The following ZDHHC14 variants were observed in gnomAD, a reference collection of about 807,000 sequenced individuals.
The protein encoded by ZDHHC14 is zDHHC palmitoyltransferase 14, also known as palmitoyltransferase ZDHHC14.
In ZDHHC14, 16 loss-of-function variants were observed where a neutral mutation model predicts 47.7. The ratio of observed to expected loss-of-function variants is 0.34; its 90% CI spans 0.23 to 0.51. The LOEUF (loss-of-function observed/expected upper bound fraction) is 0.51. ZDHHC14 is among the 20% of genes least tolerant of loss of function. ZDHHC14 has a pLI of 0.97. For synonymous variants in ZDHHC14, 293 were observed against 278.9 expected (o/e 1.05, Z -0.50); for missense variants, 515 against 662.5 (o/e 0.78, Z 2.44).
chr6:157,519,749 T>C (rs1780849338), intron 1 of ZDHHC14, among the ~76,000 whole-genome samples: 2 of 152,176 alleles, frequency 1.3e-5, no homozygotes, highest in South Asian at 4.1e-4. Flanking sequence ...TCATCGTTTT[T>C]TTGTTGTTTG....
At chr6:157,394,733 C>T (rs1471957790) in intron 1 of ZDHHC14, among the ~76,000 whole-genome samples, 4 of 152,166 alleles carry the variant, frequency 2.6e-5, no homozygotes, top group Admixed American at 6.5e-5. Context: ...ATAACATCAT[C>T]GTCGTCTTAA....
At chr6:157,563,624 T>C (rs67588024) in intron 2 of ZDHHC14, among the ~76,000 whole-genome samples, 83,683 of 151,994 alleles carry the variant, frequency 0.55, 23,669 homozygotes, top group African/African-American at 0.7. Flanking sequence ...ACATAGGATG[T>C]AAAAAAGATT....
At chr6:157,550,347 A>G (rs1252011237) in intron 2 of ZDHHC14, among the ~76,000 whole-genome samples, 1 of 152,106 alleles carries the variant, frequency 6.6e-6, no homozygotes, top group Non-Finnish European at 1.5e-5. Context: ...TCACACAGGC[A>G]TTCTAGAGAG....
At chr6:157,666,494 T>C (rs1257875665) in intron 8 of ZDHHC14, among the ~76,000 whole-genome samples, 3 of 152,236 alleles carry the variant, frequency 2.0e-5, no homozygotes, top group Admixed American at 6.5e-5. Context: ...AACCTGCACC[T>C]GCATTTTAGG....
At chr6:157,593,748 G>C (rs575697129) in intron 3 of ZDHHC14, among the ~76,000 whole-genome samples, 2 of 152,366 alleles carry the variant, frequency 1.3e-5, no homozygotes, top group African/African-American at 2.4e-5. Flanking sequence ...CACCGGCCCA[G>C]CATGGGCCTT....
At chr6:157,484,299 A>G (rs1437948415) in intron 1 of ZDHHC14, among the ~76,000 whole-genome samples, 1 of 117,310 alleles carries the variant, frequency 8.5e-6, no homozygotes, top group Non-Finnish European at 1.9e-5. Flanking sequence ...ATGTGTATAT[A>G]TATATACATA....
chr6:157,595,092 T>C (rs1265283261), intron 3 of ZDHHC14, among the ~76,000 whole-genome samples: 2 of 151,802 alleles, frequency 1.3e-5, no homozygotes, highest in Non-Finnish European at 2.9e-5. Flanking sequence ...CTTCTCTTTA[T>C]CATTTATAAA....
chr6:157,418,530 G>A (rs1778031764), intron 1 of ZDHHC14, among the ~76,000 whole-genome samples: 1 of 152,178 alleles, frequency 6.6e-6, no homozygotes. Context: ...TAGGAAGGAT[G>A]TCCAAAGCAG....
At chr6:157,496,609 G>T (rs1177277807) in intron 1 of ZDHHC14, among the ~76,000 whole-genome samples, 2 of 152,170 alleles carry the variant, frequency 1.3e-5, no homozygotes, top group African/African-American at 4.8e-5. Context: ...AAGACCCATA[G>T]GGAGAAGATG....
intron 8 of ZDHHC14, among the ~76,000 whole-genome samples, chr6:157,660,188 CT>C (rs397799133): frequency 0.017 from 1,490 of 86,592 alleles, 14 homozygotes; most frequent in African/African-American, 0.055. Context: ...TTCTTTTTTT[CT>C]TTTTTTTTTT....
At chr6:157,424,514 G>A (rs200919864) in intron 1 of ZDHHC14, among the ~76,000 whole-genome samples, 33 of 152,262 alleles carry the variant, frequency 2.2e-4, no homozygotes, top group African/African-American at 6.5e-4. Context: ...GCTTGAAGCC[G>A]TCCTGTTCTC....
At chr6:157,603,392 A>G (rs1784414442) in intron 3 of ZDHHC14, among the ~76,000 whole-genome samples, 1 of 152,222 alleles carries the variant, frequency 6.6e-6, no homozygotes, top group Non-Finnish European at 1.5e-5. Context: ...AAAGGGGAGA[A>G]ATGAGAGAAA....
chr6:157,657,088 G>T (rs1009800409), intron 8 of ZDHHC14, among the ~76,000 whole-genome samples: 6 of 151,466 alleles, frequency 4.0e-5, no homozygotes, highest in Non-Finnish European at 7.4e-5. Flanking sequence ...TCACTCTGTC[G>T]CCCAGGCTGA....
At chr6:157,544,675 C>CCA (rs1554265033) in intron 2 of ZDHHC14, among the ~76,000 whole-genome samples, 1,757 of 151,618 alleles carry the variant, frequency 0.012, 20 homozygotes, top group Non-Finnish European at 0.019. Context: ...CAACAACAAC[C>CCA]AAAAAATAGA....
intron 6 of ZDHHC14, among the ~76,000 whole-genome samples, 199 bp from the exon 7 acceptor site, chr6:157,647,060 A>G (rs1461227149): frequency 6.6e-6 from 1 of 152,220 alleles, no homozygotes; most frequent in Non-Finnish European, 1.5e-5. Context: ...TGAGAATGTT[A>G]TTCTTTCCCT....
chr6:157,445,773 C>CAGAG (rs1023825826), intron 1 of ZDHHC14, among the ~76,000 whole-genome samples: 9 of 150,154 alleles, frequency 6.0e-5, no homozygotes, highest in African/African-American at 1.9e-4. Flanking sequence ...TGGAAAAAGC[C>CAGAG]AGAGAGAGAG....
At chr6:157,434,396 C>T (rs1298896555) in intron 1 of ZDHHC14, among the ~76,000 whole-genome samples, 1 of 152,026 alleles carries the variant, frequency 6.6e-6, no homozygotes, top group East Asian at 1.9e-4. Context: ...TCACACCAGA[C>T]AGGTGGATGT....
chr6:157,650,775 G>C (rs1562529438), intron 7 of ZDHHC14, among the ~76,000 whole-genome samples: 2 of 152,198 alleles, frequency 1.3e-5, no homozygotes, highest in African/African-American at 4.8e-5. Context: ...ACCTGACCCT[G>C]GTTGGGAGGA....
chr6:157,604,779 G>C (rs559015795), intron 3 of ZDHHC14, among the ~76,000 whole-genome samples: 4 of 152,236 alleles, frequency 2.6e-5, no homozygotes, highest in Middle Eastern at 6.8e-3. Context: ...CCTGACCTCA[G>C]GTGATCCACC....
Sources: gnomAD v4.1 joint callset for allele counts (sites outside exome capture counted in the v4.1 genomes callset) on GRCh38, gnomAD v4.1.1 for gene constraint, MANE v1.5 for transcripts, NCBI Gene and HGNC (gene_info 2026-07-23, HGNC 2026-07-21) for gene names.